The following TMEM117 variants were observed in gnomAD, a reference collection of about 807,000 sequenced individuals.
TMEM117 encodes transmembrane protein 117.
In TMEM117, 27 loss-of-function variants were observed where a neutral mutation model predicts 52.4. The ratio of observed to expected loss-of-function variants is 0.51; its 90% CI spans 0.38 to 0.71. The LOEUF (loss-of-function observed/expected upper bound fraction) is 0.71. Ranked by LOEUF, TMEM117 falls within the 30% of genes least tolerant of loss-of-function variation. TMEM117 has a pLI of 0.00. For synonymous variants in TMEM117, 215 were observed against 206.3 expected (o/e 1.04, Z -0.36); for missense variants, 556 against 630.5 (o/e 0.88, Z 1.26).
intron 3 of TMEM117, among the ~76,000 whole-genome samples, chr12:44,101,953 A>G (rs1333666365): frequency 1.3e-5 from 2 of 152,098 alleles, no homozygotes; most frequent in African/African-American, 4.8e-5. Context: ...TTTATTTTCT[A>G]CAAGCATCAT....
chr12:44,000,147 C>G (rs1946093232), intron 3 of TMEM117, among the ~76,000 whole-genome samples: 1 of 152,066 alleles, frequency 6.6e-6, no homozygotes, highest in Non-Finnish European at 1.5e-5. Context: ...TTTGAAAGCC[C>G]CTTTGGCTCC....
chr12:44,043,900 G>A (rs1946840409), intron 3 of TMEM117, among the ~76,000 whole-genome samples: 2 of 152,152 alleles, frequency 1.3e-5, no homozygotes, highest in African/African-American at 4.8e-5. Context: ...ATTGATTTGG[G>A]CCCGCTAAGT....
intron 3 of TMEM117, among the ~76,000 whole-genome samples, chr12:43,993,437 C>A (rs924766871): frequency 2.6e-5 from 4 of 152,138 alleles, no homozygotes; most frequent in Non-Finnish European, 5.9e-5. Flanking sequence ...TTAACTCTTT[C>A]AAGGGACAGA....
intron 3 of TMEM117, among the ~76,000 whole-genome samples, chr12:44,024,603 G>A (rs1388597234): frequency 1.3e-5 from 2 of 151,404 alleles, no homozygotes; most frequent in Non-Finnish European, 3.0e-5. Context: ...AGGAAGGTGG[G>A]GTGGGAGGAA....
At chr12:44,307,304 G>A (rs933845363) in intron 6 of TMEM117, among the ~76,000 whole-genome samples, 1 of 152,112 alleles carries the variant, frequency 6.6e-6, no homozygotes, top group Non-Finnish European at 1.5e-5. Flanking sequence ...TACATTTACA[G>A]GCTACTTAGA....
intron 7 of TMEM117, 87 bp from the exon 8 acceptor site, chr12:44,387,939 T>C (rs1952112670): frequency 1.7e-6 from 2 of 1,176,492 alleles, no homozygotes; most frequent in Non-Finnish European, 1.2e-6. Context: ...ATTGATGTTA[T>C]TATACCATTA....
At chr12:43,859,194 T>G (rs1177116774) in intron 2 of TMEM117, among the ~76,000 whole-genome samples, 1 of 152,184 alleles carries the variant, frequency 6.6e-6, no homozygotes. Context: ...GAACCTGAGC[T>G]TTGCCATTAC....
chr12:44,226,408 C>A lies in TMEM117; in HGVS notation c.608+15021C>A, dbSNP rs552368568. On this transcript the variant is annotated intron_variant, in intron 5 of 7. Coordinates refer to ENST00000266534, the MANE Select transcript of TMEM117 (RefSeq NM_032256.3). ...AAATAAGGTATAATAACCATTAGAC[C>A]TCTGGGTTCAGTATCATAGCTTCTC... is the stretch of plus-strand genomic sequence containing the variant. 2.6e-5 allele frequency among the ~76,000 whole-genome samples: 4 copies of A among 152,090 alleles called. No individual in the cohort carries two copies. In the South Asian group the frequency reaches 8.3e-4, roughly 32 times the overall value.
chr12:44,300,963 G>A (rs1407530843), intron 6 of TMEM117, among the ~76,000 whole-genome samples: 1 of 152,124 alleles, frequency 6.6e-6, no homozygotes, highest in Non-Finnish European at 1.5e-5. Context: ...AATGTATCAT[G>A]CATTACTTAT....
intron 2 of TMEM117, among the ~76,000 whole-genome samples, chr12:43,909,606 C>G (rs554526084): frequency 1.7e-3 from 250 of 150,630 alleles, no homozygotes; most frequent in African/African-American, 6.0e-3. Flanking sequence ...GCTAGCAAGA[C>G]TAATAAAGAA....
chr12:44,197,112 AG>A (rs1366376010), intron 4 of TMEM117, among the ~76,000 whole-genome samples: 3 of 152,210 alleles, frequency 2.0e-5, no homozygotes, highest in South Asian at 4.1e-4. Context: ...CTCCATCATT[AG>A]GGATAGCATG....
chr12:43,802,535 G>A, the TMEM117 span: 2 of 1,117,024 alleles, frequency 1.8e-6, no homozygotes, highest in Non-Finnish European at 2.6e-6. Context: ...ATGAAGACTA[G>A]AAAAATAAAT....
At chr12:44,180,193 A>T (rs1443786277) in intron 4 of TMEM117, among the ~76,000 whole-genome samples, 1 of 152,178 alleles carries the variant, frequency 6.6e-6, no homozygotes, top group African/African-American at 2.4e-5. Context: ...TTTATGGTAG[A>T]CAGTGTATCG....
intron 3 of TMEM117, among the ~76,000 whole-genome samples, chr12:44,010,439 C>A (rs1946271574): frequency 1.3e-5 from 2 of 152,112 alleles, no homozygotes; most frequent in Non-Finnish European, 2.9e-5. Flanking sequence ...ATTTTCGGAG[C>A]CTTGGAAGGG....
At chr12:44,359,787 T>G (rs1014681167) in intron 6 of TMEM117, among the ~76,000 whole-genome samples, 1 of 152,092 alleles carries the variant, frequency 6.6e-6, no homozygotes, top group Non-Finnish European at 1.5e-5. Flanking sequence ...AAAAAAGGAA[T>G]AAGAAAATTA....
chr12:44,114,592 C>G (rs1021430305), intron 3 of TMEM117, among the ~76,000 whole-genome samples: 1 of 152,148 alleles, frequency 6.6e-6, no homozygotes, highest in African/African-American at 2.4e-5. Flanking sequence ...TCAGTAGCCT[C>G]TGAAAAAGTA....
the TMEM117 span, among the ~76,000 whole-genome samples, chr12:43,807,109 G>C: frequency 1.3e-5 from 2 of 151,994 alleles, no homozygotes; most frequent in Non-Finnish European, 2.9e-5. Flanking sequence ...GAAAGGTAAT[G>C]TTAGTTTTGT....
chr12:43,865,381 C>G (rs1477763518), intron 2 of TMEM117, among the ~76,000 whole-genome samples: 1 of 152,142 alleles, frequency 6.6e-6, no homozygotes, highest in Admixed American at 6.5e-5. Context: ...ATAGGAGTTG[C>G]CGCAGGATTG....
intron 6 of TMEM117, among the ~76,000 whole-genome samples, chr12:44,331,216 T>C (rs1470059847): frequency 6.6e-6 from 1 of 151,982 alleles, no homozygotes; most frequent in Admixed American, 6.6e-5. Context: ...TCTCTTTTTT[T>C]TTGTTGGCAG....
Sources: allele counts gnomAD v4.1 joint callset (sites outside exome capture counted in the v4.1 genomes callset), GRCh38; gene constraint gnomAD v4.1.1; transcripts MANE v1.5; gene names NCBI Gene and HGNC (gene_info 2026-07-23, HGNC 2026-07-21).